The following TAF3 variants were observed in gnomAD, a reference collection of about 807,000 sequenced individuals.
TAF3 encodes TATA-box binding protein associated factor 3, also known as transcription initiation factor TFIID subunit 3.
TAF3 carries 7 observed loss-of-function variants against 80.6 expected under a neutral mutation model. The observed-to-expected ratio is 0.09, with a 90% confidence interval of 0.05 to 0.16. TAF3 has a LOEUF of 0.16. TAF3 is among the 10% of genes least tolerant of loss of function. The probability of loss-of-function intolerance (pLI) is 1.00; values close to 1 mark genes in which losing one functional copy is unlikely to be tolerated. For synonymous variants in TAF3, 444 were observed against 446.1 expected, an observed-to-expected ratio of 1.00 and a Z score of 0.06; for missense variants, 921 against 1,140.2, an observed-to-expected ratio of 0.81 and a Z score of 2.77.
At chr10:7,832,014 C>T (rs1836806150) in intron 2 of TAF3, among the ~76,000 whole-genome samples, 1 of 152,056 alleles carries the variant, frequency 6.6e-6, no homozygotes, top group Non-Finnish European at 1.5e-5. Flanking sequence ...ATACCTGTCA[C>T]CTCAAATGCC....
chr10:7,966,952 A>T (rs7093757), intron 3 of TAF3, among the ~76,000 whole-genome samples: 83,927 of 152,114 alleles, frequency 0.55, 24,715 homozygotes, highest in East Asian at 0.71. Context: ...ATTTCCATTT[A>T]AAAAATCATT....
intron 2 of TAF3, among the ~76,000 whole-genome samples, chr10:7,940,503 T>C (rs2131205532): frequency 6.6e-6 from 1 of 152,310 alleles, no homozygotes; most frequent in East Asian, 1.9e-4. Flanking sequence ...GATAAACAAC[T>C]GTATAAAAAA....
chr10:7,910,820 C>G (rs1837650615), intron 2 of TAF3, among the ~76,000 whole-genome samples: 1 of 152,156 alleles, frequency 6.6e-6, no homozygotes, highest in South Asian at 2.1e-4. Context: ...TATACTGAAT[C>G]ACAAACCAGA....
chr10:7,884,668 G>A lies in TAF3; in HGVS notation c.409+60108G>A, dbSNP rs544788783. Among the ~76,000 whole-genome samples, 155 of 152,234 alleles carry A rather than the reference G, an allele frequency of 1.0e-3. 1 individual carries two copies. The highest frequency in any genetic ancestry group is 2.3e-3 in the South Asian group (11 of 4,818). On this transcript the variant is annotated intron_variant, in intron 2 of 6. Coordinates refer to ENST00000344293, the MANE Select transcript of TAF3 (RefSeq NM_031923.4). The stretch of plus-strand genomic sequence containing the variant: ...CTCCAAAAGTGCTGGGATTACAGGC[G>A]TGCGCCGCTGCGCCTGGCCTGCCTC...
rs1261685078 is a variant in TAF3 at position 7,913,976 on chromosome 10, A to G, written c.410-49944A>G. On this transcript the variant is annotated intron_variant, in intron 2 of 6. Transcript: ENST00000344293. ...TTCAACAAATCAGTGGCATGAAAAA[A>G]AGAGAGCAGGGGGGAACCATGATTG... 2.6e-5 allele frequency among the ~76,000 whole-genome samples: 4 copies of G among 152,224 alleles called. No individual in the cohort carries two copies. The East Asian group carries it at 7.7e-4, about 29-fold the overall frequency.
At chr10:7,951,851 A>G (rs1838085946) in intron 2 of TAF3, among the ~76,000 whole-genome samples, 1 of 152,200 alleles carries the variant, frequency 6.6e-6, no homozygotes, top group South Asian at 2.1e-4. Flanking sequence ...CACATAGCCC[A>G]ATAATTGGCA....
In TAF3 at chr10:7,863,694, T is replaced by TATATATATACAC. The variant is rs1837176835; in HGVS notation, c.409+39143_409+39144insCACATATATATA. 1.3e-3 allele frequency among the ~76,000 whole-genome samples: 45 copies of TATATATATACAC among 34,608 alleles called. 5 individuals are homozygous for TATATATATACAC. In the East Asian group the frequency reaches 0.025, roughly 19 times the overall value. 22.7% of individuals were successfully genotyped at this position (34,608 alleles called of 152,430 possible). On this transcript the variant is annotated intron_variant, in intron 2 of 6. Transcript: ENST00000344293. ...ACACATATATATATATACACACACA[T>TATATATATACAC]ATATATATATACACATATATATATA...
At chr10:8,011,814 G>A (rs959917883) in intron 5 of TAF3, among the ~76,000 whole-genome samples, 2 of 152,144 alleles carry the variant, frequency 1.3e-5, no homozygotes, top group Non-Finnish European at 2.9e-5. Context: ...TAAAAGTTCT[G>A]GTTTTCCAGT....
chr10:7,853,302 T>G (rs1334547345), intron 2 of TAF3, among the ~76,000 whole-genome samples: 2 of 152,220 alleles, frequency 1.3e-5, no homozygotes, highest in Non-Finnish European at 2.9e-5. Flanking sequence ...ACTGTGCCTC[T>G]GAACACCTCC....
chr10:7,985,308 C>T (rs1384457272), intron 4 of TAF3, among the ~76,000 whole-genome samples: 3 of 152,294 alleles, frequency 2.0e-5, no homozygotes, highest in Admixed American at 1.3e-4. Context: ...GGTCAGCCCT[C>T]CTCAGCTGCT....
intron 4 of TAF3, among the ~76,000 whole-genome samples, chr10:7,992,931 C>T (rs1180122369): frequency 2.0e-5 from 3 of 152,094 alleles, no homozygotes; most frequent in African/African-American, 4.8e-5. Flanking sequence ...ATCATTTCAC[C>T]TCTATATTCT....
chr10:7,996,816 AC>A (rs1735988573), intron 4 of TAF3, among the ~76,000 whole-genome samples: 1 of 148,680 alleles, frequency 6.7e-6, no homozygotes, highest in African/African-American at 2.5e-5. Context: ...AGTAGCTGGG[AC>A]TACAGGCACG....
At chr10:7,863,627 AT>A (rs1173725332) in intron 2 of TAF3, among the ~76,000 whole-genome samples, 1,468 of 48,836 alleles carry the variant, frequency 0.03, 176 homozygotes, top group African/African-American at 0.057. Context: ...AAAAAAAAAA[AT>A]ATATATATAT....
chr10:7,840,870 A>T (rs527997821), intron 2 of TAF3, among the ~76,000 whole-genome samples: 1 of 147,590 alleles, frequency 6.8e-6, no homozygotes, highest in African/African-American at 2.5e-5. Flanking sequence ...TTTTTTTGAG[A>T]TGGAGTTTTG....
At chr10:7,922,392 T>C (rs1837771420) in intron 2 of TAF3, among the ~76,000 whole-genome samples, 1 of 152,096 alleles carries the variant, frequency 6.6e-6, no homozygotes, top group Non-Finnish European at 1.5e-5. Context: ...ACTGTCTTAA[T>C]CTCATTCCTC....
chr10:7,892,822 T>C lies in TAF3; in HGVS notation c.409+68262T>C, dbSNP rs369773645. Among the ~76,000 whole-genome samples, 586 of 150,384 alleles carry C rather than the reference T, an allele frequency of 3.9e-3. 3 individuals are homozygous for C. The highest frequency in any genetic ancestry group is 0.019 in the South Asian group (92 of 4,798). On this transcript the variant is annotated intron_variant, in intron 2 of 6. Transcript: ENST00000344293. ...AATATATTTTCTTTTCTTTTTCTTT[T>C]TTTTTTTTTTTTGAGACGGAGTTTC...
intron 2 of TAF3, among the ~76,000 whole-genome samples, chr10:7,916,429 A>G (rs1339012088): frequency 6.6e-6 from 1 of 152,206 alleles, no homozygotes; most frequent in Non-Finnish European, 1.5e-5. Flanking sequence ...TATGTCTGTT[A>G]ATTTTAAGAA....
At chr10:7,904,112 G>A (rs1329159317) in intron 2 of TAF3, among the ~76,000 whole-genome samples, 2 of 152,146 alleles carry the variant, frequency 1.3e-5, no homozygotes, top group East Asian at 1.9e-4. Context: ...GAGAGGCCGT[G>A]AACTTCACAC....
chr10:7,910,648 T>A (rs1187827944), intron 2 of TAF3, among the ~76,000 whole-genome samples: 1 of 152,214 alleles, frequency 6.6e-6, no homozygotes, highest in East Asian at 1.9e-4. Context: ...CCCAAAGTGC[T>A]GGGATTACAG....
Sources: allele counts gnomAD v4.1 joint callset (sites outside exome capture counted in the v4.1 genomes callset), GRCh38; gene constraint gnomAD v4.1.1; transcripts MANE v1.5; gene names NCBI Gene and HGNC (gene_info 2026-07-23, HGNC 2026-07-21).